Variants in HOXC6 observed in about 807,000 individuals in gnomAD.
HOXC6 encodes the protein homeobox protein Hox-C6.
A neutral mutation model predicts 24.0 loss-of-function variants in HOXC6; 10 were observed. The ratio of observed to expected loss-of-function variants is 0.42; its 90% CI spans 0.26 to 0.71. HOXC6 has a LOEUF of 0.71. HOXC6 is among the 30% of genes least tolerant of loss of function. The pLI is 0.28. For missense variants in HOXC6, 258 were observed against 303.4 expected, an observed-to-expected ratio of 0.85 and a Z score of 1.11; for synonymous variants, 123 against 128.1, an observed-to-expected ratio of 0.96 and a Z score of 0.27.
At position 54,030,064 on chromosome 12, in the gene HOXC6, T is replaced by C; in HGVS notation, c.*102T>C. The C allele has an allele frequency of 8.3e-7, 1 of 1,209,430 alleles. No individual in the cohort carries two copies. Among genetic ancestry groups the C allele is most frequent in the Middle Eastern group, 2.0e-4 (1 of 5,036 alleles). 74.9% of individuals were successfully genotyped at this position (1,209,430 alleles called of 1,614,324 possible). On this transcript the variant is annotated 3_prime_UTR_variant, in exon 2 of 2. Transcript: ENST00000243108. ...ATTTATCACTGGCACAATTGATGTG[T>C]TTTGATTCCCTAAAACAAAATTAGG... is the stretch of plus-strand genomic sequence containing the variant.
intron 1 of HOXC6, 28 bp downstream of exon 1, chr12:54,028,949 TTAAA>T: frequency 1.3e-6 from 2 of 1,575,282 alleles, no homozygotes; most frequent in Non-Finnish European, 1.7e-6. Context: ...GAGATATAAA[TTAAA>T]TAAACTGAAC....
chr12:54,017,133 C>G (rs1465517686), exon 1 of HOXC6: 1 of 152,216 alleles, frequency 6.6e-6, no homozygotes, highest in Admixed American at 6.5e-5. Flanking sequence ...CCCCAAGGGG[C>G]AGGAGGAATG....
chr12:54,025,532 GGGGGGGA>G (rs1940657110), upstream of HOXC6, among the ~76,000 whole-genome samples: 1 of 46,944 alleles, frequency 2.1e-5, no homozygotes, highest in African/African-American at 7.0e-5. Flanking sequence ...GTAATTGGGG[GGGGGGGA>G]GGTGTTGAAA....
At chr12:54,029,525 G>A (rs1204213192) in intron 1 of HOXC6, 130 bp from the exon 2 acceptor site, 1 of 930,250 alleles carries the variant, frequency 1.1e-6, no homozygotes, top group East Asian at 2.5e-5. Context: ...GCAAAAGGGA[G>A]AAGGCTAGAG....
chr12:54,028,819 A>G lies in HOXC6; in HGVS notation c.298A>G (p.Ile100Val), dbSNP rs565847774. 31 of 1,614,166 alleles carry G rather than the reference A, an allele frequency of 1.9e-5. No homozygotes were observed. Among genetic ancestry groups the G allele is most frequent in the Non-Finnish European group, 2.4e-5 (28 of 1,180,010 alleles). The change falls in exon 1 of 2, where the codon ATC (isoleucine) becomes GTC (valine). Residue 100 changes from isoleucine to valine, a missense_variant. Ile to Val is a conservative substitution (Grantham distance 29, BLOSUM62 3). Transcript: ENST00000243108. Reference sequence around the variant, plus strand: ...CTTAGGACATAACACACAGACCTCAATCGCTCAGGATTTTAGTTCTGAGCA... The same window carrying G: ...CTTAGGACATAACACACAGACCTCAGTCGCTCAGGATTTTAGTTCTGAGCA... ...NTLGHNTQTS[I>V]AQDFSSEQGR...
At chr12:54,018,491 G>C (rs1940268366) in intron 1 of HOXC6, among the ~76,000 whole-genome samples, 1 of 152,246 alleles carries the variant, frequency 6.6e-6, no homozygotes, top group African/African-American at 2.4e-5. Flanking sequence ...GGGGCGGCGG[G>C]AGGGTCCTGG....
chr12:54,029,905 C>T lies in HOXC6; in HGVS notation c.651C>T (p.Ser217=), dbSNP rs765585868. The T allele has an allele frequency of 2.5e-6, 4 of 1,608,658 alleles. No individual in the cohort carries two copies. The highest frequency in any genetic ancestry group is 1.1e-5 in the South Asian group (1 of 90,910). Residue 217 remains serine, a synonymous_variant, in exon 2 of 2, where the codon AGC becomes AGT. Transcript: ENST00000243108. ...GCGGCGGAGGGGCCACCGCCGACAG[C>T]CTGGGCGGAAAAGAGGAAAAGCGGG... The part of the protein sequence containing the change: ...SGGGGGATAD[S]LGGKEEKREE...
chr12:54,028,265 A>ATG, upstream of HOXC6: 1 of 71,380 alleles, frequency 1.4e-5, no homozygotes, highest in South Asian at 3.1e-4. Flanking sequence ...ATATATATAT[A>ATG]TATTTTTTAA....
chr12:54,027,571 TTC>T (rs1169899914), upstream of HOXC6, among the ~76,000 whole-genome samples: 1 of 152,216 alleles, frequency 6.6e-6, no homozygotes, highest in African/African-American at 2.4e-5. Context: ...CTCTCTCTCT[TTC>T]TCTCTGTCTT....
chr12:54,030,142 A>T lies in HOXC6; in HGVS notation c.*180A>T. ...TCTGGACCCCCTCCCTCACCGCACA[A>T]CTCTCTTTCACCACGCGCCTCCTCC... On this transcript the variant is annotated 3_prime_UTR_variant, in exon 2 of 2. Coordinates refer to ENST00000243108, the MANE Select transcript of HOXC6 (RefSeq NM_004503.4). 1 of 560,840 alleles carries T rather than the reference A, an allele frequency of 1.8e-6. No individual in the cohort carries two copies. The highest frequency in any genetic ancestry group is 3.0e-5 in the South Asian group (1 of 33,150). The allele number at this position is 560,840 out of a possible 1,614,324, so 34.7% of individuals were successfully genotyped here.
At chr12:54,022,973 A>G (rs1326073895) in intron 1 of HOXC6, among the ~76,000 whole-genome samples, 1 of 152,124 alleles carries the variant, frequency 6.6e-6, no homozygotes, top group Non-Finnish European at 1.5e-5. Flanking sequence ...TTGAGGCCCT[A>G]TTCTGGGGGC....
chr12:54,029,493 C>A, intron 1 of HOXC6, 162 bp from the exon 2 acceptor site: 1 of 427,058 alleles, frequency 2.3e-6, no homozygotes, highest in Non-Finnish European at 4.0e-6. Context: ...CCTCGCTGTA[C>A]CCCCAGTGGG....
chr12:54,028,414 G>A, upstream of HOXC6: 1 of 1,248,386 alleles, frequency 8.0e-7, no homozygotes, highest in Non-Finnish European at 1.1e-6. Flanking sequence ...TTGTCATTTT[G>A]TCTGTCCTGG....
chr12:54,022,831 T>G (rs1056149426), intron 1 of HOXC6, among the ~76,000 whole-genome samples: 1 of 152,168 alleles, frequency 6.6e-6, no homozygotes, highest in African/African-American at 2.4e-5. Context: ...ATAATTCTCA[T>G]GAACCTCTCA....
chr12:54,023,392 G>A (rs1940536656), intron 1 of HOXC6, among the ~76,000 whole-genome samples: 1 of 152,190 alleles, frequency 6.6e-6, no homozygotes, highest in Admixed American at 6.5e-5. Flanking sequence ...GTAAGGAAAG[G>A]TCAGGCAGAA....
intron 1 of HOXC6, 21 bp from the exon 2 acceptor site, chr12:54,029,634 G>C (rs1940904245): frequency 6.2e-7 from 1 of 1,606,038 alleles, no homozygotes; most frequent in South Asian, 1.1e-5. Flanking sequence ...CTTTTAGTGT[G>C]TTTTGTGCCC....
At chr12:54,028,386 G>A (rs1940823623), upstream of HOXC6, 2 of 943,042 alleles carry the variant, frequency 2.1e-6, no homozygotes, top group Admixed American at 2.9e-5. Flanking sequence ...CGATTGGCTG[G>A]GAGGGGGTCA....
upstream of HOXC6, among the ~76,000 whole-genome samples, chr12:54,026,759 T>C (rs943217721): frequency 3.9e-5 from 6 of 152,000 alleles, no homozygotes; most frequent in East Asian, 1.9e-4. Flanking sequence ...ACTTTATTTT[T>C]CCCCCCTAGC....
At chr12:54,027,991 T>C (rs1020332522), upstream of HOXC6, among the ~76,000 whole-genome samples, 2 of 152,216 alleles carry the variant, frequency 1.3e-5, no homozygotes, top group African/African-American at 4.8e-5. Flanking sequence ...CTGCAGGATT[T>C]CTAGGGACCC....
Sources: allele counts gnomAD v4.1 joint callset (sites outside exome capture counted in the v4.1 genomes callset), GRCh38; gene constraint gnomAD v4.1.1; transcripts MANE v1.5; gene names NCBI Gene and HGNC (gene_info 2026-07-23, HGNC 2026-07-21).